DBF4B: variants seen among roughly 807,000 people sequenced by gnomAD.
DBF4B encodes the protein protein DBF4 homolog B.
Under a neutral mutation model 53.4 loss-of-function variants are expected in DBF4B, and 49 were observed. The observed-to-expected ratio is 0.92, with a 90% CI of 0.73 to 1.16. The LOEUF (loss-of-function observed/expected upper bound fraction) is 1.16. Among genes scored for constraint, DBF4B ranks in the 50% most tolerant of loss-of-function variants. The pLI, the probability that DBF4B is intolerant of heterozygous loss-of-function variation, is 0.00. For missense variants in DBF4B, 692 were observed against 775.0 expected, an observed-to-expected ratio of 0.89 and a Z score of 1.27; for synonymous variants, 257 against 288.7, an observed-to-expected ratio of 0.89 and a Z score of 1.11.
chr17:44,731,199 T>A, intron 5 of DBF4B, 184 bp downstream of exon 5: 1 of 648,680 alleles, frequency 1.5e-6, no homozygotes, highest in Non-Finnish European at 2.7e-6. Flanking sequence ...GCCATTCACC[T>A]AGAGAGTAAG....
chr17:44,747,322 G>C, intron 11 of DBF4B, 69 bp from the exon 12 acceptor site: 1 of 1,603,980 alleles, frequency 6.2e-7, no homozygotes, highest in Non-Finnish European at 8.5e-7. Context: ...TGGGCTGGGA[G>C]GTCAGCTTCC....
chr17:44,732,341 C>A, intron 6 of DBF4B, 76 bp downstream of exon 6: 1 of 1,486,928 alleles, frequency 6.7e-7, no homozygotes, highest in Middle Eastern at 1.8e-4. Context: ...TTAGAAGGAT[C>A]ATGGTCATGT....
Position 44,731,015 on chromosome 17 carries a change from G to A in DBF4B, c.468G>A (p.Gln156=). The change falls in exon 5 of 14, where the codon CAG becomes CAA. Residue 156 remains glutamine (Q), a splice_region_variant and synonymous_variant. Transcript: ENST00000315005. ...KELLQKAIRN[Q]GSISGGGSGG... ...TGCTGCAGAAGGCTATCAGAAACCA[G>A]GTGAGCTGGGGCAAGATGGGACAGA... 1 of 1,614,044 alleles carries A rather than the reference G, an allele frequency of 6.2e-7. No individual in the cohort carries two copies.
In DBF4B at chr17:44,734,126, C is replaced by T. The variant is rs774470863; in HGVS notation, c.593C>T (p.Ser198Phe). The change falls in exon 7 of 14, where the codon TCT becomes TTT. Residue 198 changes from serine to phenylalanine, a missense_variant. This residue lies in a region of DBF4B where 597 missense variants were observed against 665.8 expected (regional missense o/e 0.90). Transcript: ENST00000315005. ...CACGTGCAACAGCTGTCTCTTGCGT[C>T]TTTATGTGTGAAAAAACAACAGCCA... ...MMHVQQLSLASLCVKKQQPKK... is the reference protein window; with the variant it reads ...MMHVQQLSLAFLCVKKQQPKK... 6.2e-7 allele frequency: 1 copy of T among 1,614,172 alleles called. No homozygotes were observed. The highest frequency in any genetic ancestry group is 8.5e-7 in the Non-Finnish European group (1 of 1,180,032).
At chr17:44,715,894 C>T (rs1973297580) in intron 2 of DBF4B, among the ~76,000 whole-genome samples, 1 of 135,242 alleles carries the variant, frequency 7.4e-6, no homozygotes, top group Non-Finnish European at 1.5e-5. Context: ...GCGATCTCAG[C>T]TCAATGCAAC....
chr17:44,712,357 A>G (rs1031688260), intron 2 of DBF4B, among the ~76,000 whole-genome samples: 2 of 118,314 alleles, frequency 1.7e-5, no homozygotes, highest in African/African-American at 6.5e-5. Context: ...GCTGGAGTGC[A>G]GTGGCACAAT....
chr17:44,739,835 A>G (rs1207148083), intron 9 of DBF4B, among the ~76,000 whole-genome samples: 1 of 152,144 alleles, frequency 6.6e-6, no homozygotes, highest in African/African-American at 2.4e-5. Context: ...CGGTGGCACA[A>G]TCTCGGCTCA....
chr17:44,723,920 G>A (rs1974066903), intron 3 of DBF4B, among the ~76,000 whole-genome samples: 1 of 152,136 alleles, frequency 6.6e-6, no homozygotes, highest in Admixed American at 6.6e-5. Context: ...AGATCAGCCT[G>A]GCAACATGGC....
chr17:44,741,417 G>A lies in DBF4B; in HGVS notation c.795G>A (p.Glu265=). 1 of 1,613,342 alleles carries A rather than the reference G, an allele frequency of 6.2e-7. No individual in the cohort carries two copies. The highest frequency in any genetic ancestry group is 8.5e-7 in the Non-Finnish European group (1 of 1,179,542). ...FLGPKDASPF[E]APTTLGSMHH... is the part of the protein sequence containing the mutation. The stretch of plus-strand genomic sequence containing the variant: ...GACCCAAAGATGCAAGTCCCTTTGA[G>A]GCCCCGACGACCCTGGGCAGCATGC... Residue 265 remains glutamate, a synonymous_variant, in exon 10 of 14, where the codon GAG becomes GAA. Coordinates refer to ENST00000315005, the MANE Select transcript of DBF4B (RefSeq NM_145663.3).
At chr17:44,733,287 G>A (rs1160735552) in intron 6 of DBF4B, among the ~76,000 whole-genome samples, 1 of 152,224 alleles carries the variant, frequency 6.6e-6, no homozygotes, top group East Asian at 1.9e-4. Context: ...AGCCTCAAAG[G>A]GATTAGGCAA....
intron 2 of DBF4B, among the ~76,000 whole-genome samples, chr17:44,721,924 C>CG (rs1204768913): frequency 6.6e-6 from 1 of 151,274 alleles, no homozygotes; most frequent in African/African-American, 2.4e-5. Context: ...CACCTGAGGT[C>CG]GGGAGTTTGT....
intron 2 of DBF4B, among the ~76,000 whole-genome samples, chr17:44,717,466 G>A (rs1407357739): frequency 6.6e-6 from 1 of 152,072 alleles, no homozygotes; most frequent in Non-Finnish European, 1.5e-5. Flanking sequence ...CAGCACTTTG[G>A]GAGGCCAAGG....
rs562148139 is a variant in DBF4B, at chr17:44,734,678, C to A, written c.630+515C>A. Among the ~76,000 whole-genome samples, 3 of 152,378 alleles carry A rather than the reference C, an allele frequency of 2.0e-5. No homozygotes were observed. The South Asian group carries it at 6.2e-4, about 32-fold the overall frequency. On this transcript the variant is annotated intron_variant, in intron 7 of 13. Transcript: ENST00000315005. ...CTGGTTTAAAGCCACAGTATCTTCA[C>A]CCAAGCCTCAATCTGAGGAAGGATT...
chr17:44,744,848 TTTGG>T (rs1370130971), intron 10 of DBF4B, among the ~76,000 whole-genome samples: 1 of 152,208 alleles, frequency 6.6e-6, no homozygotes, highest in Non-Finnish European at 1.5e-5. Context: ...TTTGCATATG[TTTGG>T]TTGTTTGAAT....
rs2049168363 is a variant in DBF4B, at chr17:44,748,443, A to T, written c.1167A>T (p.Lys389Asn). The T allele has an allele frequency of 2.5e-6, 4 of 1,613,972 alleles. No homozygotes were observed. Among genetic ancestry groups the T allele is most frequent in the Admixed American group, 1.7e-5 (1 of 60,010 alleles). Residue 389 changes from lysine (K) to asparagine (N), a missense_variant, in exon 13 of 14, where the codon AAA becomes AAT. Coordinates refer to ENST00000315005, the MANE Select transcript of DBF4B (RefSeq NM_145663.3). ...GGGCAGCATCTCCCAGGATAAGGAA[A>T]GAAGACAGCTGCCAGGCATCAGGTA... ...HPRAASPRIR[K>N]EDSCQASVTQ... is the part of the protein sequence containing the mutation.
chr17:44,735,698 A>T (rs1975340818), intron 7 of DBF4B, among the ~76,000 whole-genome samples: 1 of 152,138 alleles, frequency 6.6e-6, no homozygotes, highest in African/African-American at 2.4e-5. Context: ...AGTTTTGTAG[A>T]TATCTAGCAG....
intron 2 of DBF4B, among the ~76,000 whole-genome samples, chr17:44,716,513 A>T (rs865928646): frequency 3.0e-4 from 46 of 152,104 alleles, no homozygotes; most frequent in African/African-American, 1.1e-3. Flanking sequence ...TTTCAGCCCC[A>T]AGACTATTGA....
In DBF4B at chr17:44,750,812, T is replaced by G; in HGVS notation, c.1407T>G (p.Pro469=). 6.2e-7 allele frequency: 1 copy of G among 1,614,208 alleles called. No homozygotes were observed. Among genetic ancestry groups the G allele is most frequent in the African/African-American group, 1.3e-5 (1 of 75,048 alleles). The change falls in exon 14 of 14, where the codon CCT becomes CCG. Residue 469 remains proline, a synonymous_variant. Coordinates refer to ENST00000315005, the MANE Select transcript of DBF4B (RefSeq NM_145663.3). ...SLALLPGEWS[P]AEDMPLHPSQ... ...CTCTGCTGCCTGGGGAGTGGTCGCC[T>G]GCAGAGGACATGCCCCTCCATCCCT... is the stretch of plus-strand genomic sequence containing the variant.
chr17:44,742,520 G>T (rs1045072323), intron 10 of DBF4B, among the ~76,000 whole-genome samples: 3 of 152,008 alleles, frequency 2.0e-5, no homozygotes, highest in African/African-American at 7.3e-5. Flanking sequence ...GTTCAAGGTT[G>T]CAGTAAGCTA....
Sources: gnomAD v4.1 joint callset for allele counts (sites outside exome capture counted in the v4.1 genomes callset) on GRCh38, gnomAD v4.1.1 for gene constraint, gnomAD v4.1.1 regional missense constraint, MANE v1.5 for transcripts, NCBI Gene and HGNC (gene_info 2026-07-23, HGNC 2026-07-21) for gene names.